MAP3K14: variants seen among roughly 807,000 people sequenced by gnomAD.
The protein encoded by MAP3K14 is mitogen-activated protein kinase kinase kinase 14.
In MAP3K14, 16 loss-of-function variants were observed where a neutral mutation model predicts 99.2. That is an observed-to-expected ratio of 0.16 (90% confidence interval 0.11 to 0.24). The LOEUF is 0.24. MAP3K14 is among the 10% of genes least tolerant of loss of function. MAP3K14 has a pLI of 1.00. For missense variants in MAP3K14, 784 were observed against 1,208.7 expected (o/e 0.65, Z 5.21); for synonymous variants, 462 against 492.4 (o/e 0.94, Z 0.82).
chr17:45,276,823 C>CT (rs35012373), intron 6 of MAP3K14, among the ~76,000 whole-genome samples: 3,732 of 62,226 alleles, frequency 0.06, 278 homozygotes, highest in East Asian at 0.11. Context: ...TCTTAGACTT[C>CT]TTTTTTTTTT....
intron 1 of MAP3K14, among the ~76,000 whole-genome samples, chr17:45,314,384 G>C (rs907520805): frequency 1.3e-5 from 2 of 152,168 alleles, no homozygotes; most frequent in African/African-American, 4.8e-5. Flanking sequence ...GGGAATCCTG[G>C]TGTGTGGAGA....
chr17:45,306,774 A>T (rs765093616), intron 1 of MAP3K14, among the ~76,000 whole-genome samples: 9 of 152,212 alleles, frequency 5.9e-5, no homozygotes, highest in Non-Finnish European at 1.2e-4. Context: ...TTTCAATTCA[A>T]CCTTCAAATC....
chr17:45,297,772 T>G (rs2044356701), intron 1 of MAP3K14, among the ~76,000 whole-genome samples: 1 of 143,980 alleles, frequency 6.9e-6, no homozygotes, highest in African/African-American at 2.6e-5. Context: ...CAGGCTAGAG[T>G]GCAGTGGCAC....
intron 6 of MAP3K14, among the ~76,000 whole-genome samples, chr17:45,284,134 G>A (rs754824943): frequency 6.6e-6 from 1 of 152,164 alleles, no homozygotes; most frequent in Non-Finnish European, 1.5e-5. Context: ...GGTGATTCCT[G>A]TCTTCTGTCT....
chr17:45,286,495 C>A lies in MAP3K14; in HGVS notation c.1088G>T (p.Arg363Met). 1 of 1,605,444 alleles carries A rather than the reference C, an allele frequency of 6.2e-7. No individual in the cohort carries two copies. The highest frequency in any genetic ancestry group is 8.5e-7 in the Non-Finnish European group (1 of 1,175,916). The change falls in exon 5 of 16, where the codon AGG (arginine) becomes ATG (methionine). Residue 363 changes from arginine to methionine, a missense_variant. This residue lies in a region of MAP3K14 where 138 missense variants were observed against 164.1 expected (regional missense o/e 0.84). Transcript: ENST00000344686. This position sits in a 1 kb window ranked among gnomAD's most constrained non-coding sequence, Gnocchi z 4.1. Reference protein sequence around the residue: ...LTSLAKTWAARGSRSREPSPK... With the variant: ...LTSLAKTWAAMGSRSREPSPK... ...GCTGGGCTCCCGGGATCTGGAGCCC[C>A]TTGCTGCCCAGGTCTTGGCCAGGCT...
chr17:45,286,285 A>C lies in MAP3K14; in HGVS notation c.1152+146T>G. 1 of 1,055,248 alleles carries C rather than the reference A, an allele frequency of 9.5e-7. No homozygotes were observed. Among genetic ancestry groups the C allele is most frequent in the Non-Finnish European group, 1.3e-6 (1 of 744,886 alleles). 65.4% of individuals were successfully genotyped at this position (1,055,248 alleles called of 1,614,324 possible). On this transcript the variant is annotated intron_variant, in intron 5 of 15. Transcript: ENST00000344686. This position sits in a 1 kb window ranked among gnomAD's most constrained non-coding sequence, Gnocchi z 4.1. ...GGCTGTGAGAAGTGAGATTGGCGGA[A>C]TAAGAGATGATACTTTTCATCCACA...
intron 1 of MAP3K14, among the ~76,000 whole-genome samples, chr17:45,294,972 G>A (rs2044336681): frequency 6.6e-6 from 1 of 152,232 alleles, no homozygotes; most frequent in Non-Finnish European, 1.5e-5. Flanking sequence ...GTGCTGTTCT[G>A]AGGTGATGAG....
At position 45,267,728 on chromosome 17, in the gene MAP3K14, T is replaced by A; in HGVS notation, c.2004A>T (p.Glu668Asp). ...VGGLKSPWRGEYKEPRHPPPN... is the reference protein window; with the variant it reads ...VGGLKSPWRGDYKEPRHPPPN... ...GCGGTGGATGTCTTGGTTCTTTATA[T>A]TCTCCCCTCCAAGGGCTCTTCAGAC... Residue 668 changes from glutamate to aspartate, a missense_variant, in exon 12 of 16, where the codon GAA (glutamate) becomes GAT (aspartate). By Grantham distance (45) the Glu-to-Asp change is conservative (BLOSUM62 2). Transcript: ENST00000344686. This position sits in a 1 kb window ranked among gnomAD's most constrained non-coding sequence, Gnocchi z 5.1. 6.2e-7 allele frequency: 1 copy of A among 1,613,000 alleles called. No individual in the cohort carries two copies. The highest frequency in any genetic ancestry group is 1.7e-4 in the Middle Eastern group (1 of 6,060).
chr17:45,289,227 C>T lies in MAP3K14; in HGVS notation c.326+9G>A, dbSNP rs1380039131. The T allele has an allele frequency of 6.2e-7, 1 of 1,613,552 alleles. No individual in the cohort carries two copies. Among genetic ancestry groups the T allele is most frequent in the Non-Finnish European group, 8.5e-7 (1 of 1,179,554 alleles). ...CACCTTCCCACTCAGGCTTGTCTCCCCTGCTTACCTGTACTGTTTGGACCC... is the reference window on the plus strand; with the variant it reads ...CACCTTCCCACTCAGGCTTGTCTCCTCTGCTTACCTGTACTGTTTGGACCC... On this transcript the variant is annotated intron_variant, in intron 3 of 15. Transcript: ENST00000344686.
intron 6 of MAP3K14, among the ~76,000 whole-genome samples, chr17:45,283,466 C>T (rs967340200): frequency 6.6e-6 from 1 of 152,184 alleles, no homozygotes; most frequent in Admixed American, 6.5e-5. Flanking sequence ...TGCAGATAGT[C>T]CCCTCACTGG....
At chr17:45,271,680 C>T (rs2044143723) in intron 9 of MAP3K14, among the ~76,000 whole-genome samples, 1 of 152,138 alleles carries the variant, frequency 6.6e-6, no homozygotes, top group Admixed American at 6.5e-5. Context: ...AATAAAGTCT[C>T]CAAGTCAGAC....
chr17:45,294,302 A>T (rs1375979505), intron 1 of MAP3K14, among the ~76,000 whole-genome samples: 1 of 152,230 alleles, frequency 6.6e-6, no homozygotes, highest in African/African-American at 2.4e-5. Flanking sequence ...TGATGCACAG[A>T]CACTGTTGGT....
At chr17:45,315,015 CAA>C (rs71701432) in intron 1 of MAP3K14, among the ~76,000 whole-genome samples, 13 of 128,500 alleles carry the variant, frequency 1.0e-4, no homozygotes, top group East Asian at 2.2e-4. Context: ...TATCAATCAC[CAA>C]AAAAAAAAAA....
At chr17:45,273,436 G>T in intron 9 of MAP3K14, 67 bp downstream of exon 9, 1 of 1,241,892 alleles carries the variant, frequency 8.1e-7, no homozygotes, top group South Asian at 1.3e-5. Context: ...TTCCCATTCT[G>T]GAAAGCATGG....
chr17:45,315,178 G>A (rs1306953140), intron 1 of MAP3K14, among the ~76,000 whole-genome samples: 2 of 152,030 alleles, frequency 1.3e-5, no homozygotes, highest in Non-Finnish European at 2.9e-5. Context: ...CATCTGTTGA[G>A]GCGAAACAGC....
chr17:45,265,531 G>A lies in MAP3K14; in HGVS notation c.2579-268C>T, dbSNP rs34003110. On this transcript the variant is annotated intron_variant, in intron 14 of 15. Transcript: ENST00000344686. ...CAGTTCACTGCAACCTTTACCTCCC[G>A]GGTTCAAGTGATTCTCCTGCCTCAG... Among the ~76,000 whole-genome samples the A allele has an allele frequency of 3.5e-3, 530 of 152,284 alleles. 2 individuals are homozygous for A. Among genetic ancestry groups the A allele is most frequent in the African/African-American group, 0.012 (481 of 41,552 alleles).
chr17:45,284,795 CCT>C lies in MAP3K14; in HGVS notation c.1290+15_1290+16del, dbSNP rs775262291. On this transcript the variant is annotated intron_variant, in intron 6 of 15. Coordinates refer to ENST00000344686, the MANE Select transcript of MAP3K14 (RefSeq NM_003954.5). ...TCCTGGCTTCCCTCTTCACTCAGCC[CCT>C]GAGCCCTGGCGTACCTTTTTGACAG... 33 of 1,584,238 alleles carry C rather than the reference CCT, an allele frequency of 2.1e-5. No homozygotes were observed. The highest frequency in any genetic ancestry group is 3.5e-5 in the Admixed American group (2 of 56,362).
rs758693952 is a variant in MAP3K14 at position 45,266,573 on chromosome 17, G to A, written c.2542C>T (p.Arg848Trp). Residue 848 changes from arginine (R) to tryptophan (W), a missense_variant, in exon 14 of 16, where the codon CGG (arginine) becomes TGG (tryptophan). By Grantham distance (101) the Arg-to-Trp change is moderately radical. Transcript: ENST00000344686. ...CTTGGGGTGTCGGTGGGCCGCCCCC[G>A]GGCCAGCACCATGTTCCAGCTGGAG... ...RSSSWNMVLA[R>W]GRPTDTPSYF... 34 of 1,612,876 alleles carry A rather than the reference G, an allele frequency of 2.1e-5. No individual in the cohort carries two copies. The highest frequency in any genetic ancestry group is 1.8e-5 in the Non-Finnish European group (21 of 1,179,536).
intron 1 of MAP3K14, among the ~76,000 whole-genome samples, chr17:45,301,895 C>T (rs1022181034): frequency 3.3e-5 from 5 of 150,172 alleles, no homozygotes; most frequent in African/African-American, 4.9e-5. Flanking sequence ...TGCAGTGACA[C>T]GATCTCAGCT....
Sources: gnomAD v4.1 joint callset for allele counts (sites outside exome capture counted in the v4.1 genomes callset) on GRCh38, gnomAD v4.1.1 for gene constraint, gnomAD v4.1.1 regional missense constraint, Gnocchi (gnomAD v3.1) non-coding constraint, MANE v1.5 for transcripts, NCBI Gene and HGNC (gene_info 2026-07-23, HGNC 2026-07-21) for gene names.